DGKB: variants seen among roughly 807,000 people sequenced by gnomAD.
The protein encoded by DGKB is diacylglycerol kinase beta, also known as 90 kDa diacylglycerol kinase.
In DGKB, 67 loss-of-function variants were observed where a neutral mutation model predicts 114.3. The ratio of observed to expected loss-of-function variants is 0.59; its 90% CI spans 0.48 to 0.72. The LOEUF (loss-of-function observed/expected upper bound fraction) is 0.72, where lower values mean the gene tolerates loss of function less well. Among genes scored for constraint, DGKB ranks in the 30% least tolerant of loss-of-function variants. The pLI is 0.00. For missense variants in DGKB, 907 were observed against 975.2 expected, an observed-to-expected ratio of 0.93 and a Z score of 0.93; for synonymous variants, 398 against 323.1, an observed-to-expected ratio of 1.23 and a Z score of -2.49.
chr7:14,512,249 C>T (rs1335615307), intron 20 of DGKB, among the ~76,000 whole-genome samples: 1 of 152,136 alleles, frequency 6.6e-6, no homozygotes, highest in Admixed American at 6.5e-5. Flanking sequence ...GTTTGCAAAA[C>T]ATGAAACACA....
intron 2 of DGKB, among the ~76,000 whole-genome samples, chr7:14,789,817 T>G (rs1354712555): frequency 6.6e-6 from 1 of 152,150 alleles, no homozygotes; most frequent in African/African-American, 2.4e-5. Context: ...GGAATGCATT[T>G]GCTGAGTTAT....
At chr7:14,269,796 G>A (rs187209076) in intron 23 of DGKB, among the ~76,000 whole-genome samples, 1 of 152,032 alleles carries the variant, frequency 6.6e-6, no homozygotes, top group East Asian at 1.9e-4. Flanking sequence ...CACTCCTGAG[G>A]AATATTGTAA....
chr7:14,631,935 ACT>A (rs1294442272), intron 13 of DGKB, among the ~76,000 whole-genome samples: 1 of 151,826 alleles, frequency 6.6e-6, no homozygotes, highest in Non-Finnish European at 1.5e-5. Flanking sequence ...ACTCTCAGAG[ACT>A]CTCAAGCAAC....
chr7:14,226,648 A>G (rs1790847432), intron 23 of DGKB, among the ~76,000 whole-genome samples: 1 of 152,058 alleles, frequency 6.6e-6, no homozygotes, highest in Non-Finnish European at 1.5e-5. Flanking sequence ...CTTATGATTC[A>G]TACACATATC....
chr7:14,920,744 C>G (rs1218174731), intron 1 of DGKB, among the ~76,000 whole-genome samples: 1 of 151,982 alleles, frequency 6.6e-6, no homozygotes, highest in African/African-American at 2.4e-5. Context: ...TGAAAGCAAC[C>G]AAGATGTTTT....
intron 2 of DGKB, among the ~76,000 whole-genome samples, chr7:14,772,876 C>G (rs1242663661): frequency 6.6e-6 from 1 of 152,084 alleles, no homozygotes. Flanking sequence ...CTCACCAGTT[C>G]CCTCCTGCTC....
intron 25 of DGKB, among the ~76,000 whole-genome samples, chr7:14,152,736 A>T (rs941475747): frequency 5.3e-5 from 8 of 152,150 alleles, no homozygotes; most frequent in Non-Finnish European, 1.2e-4. Context: ...AGAATCAAAG[A>T]TTACAAAGCA....
At chr7:14,730,716 T>A (rs12154918) in intron 5 of DGKB, among the ~76,000 whole-genome samples, 98,213 of 151,966 alleles carry the variant, frequency 0.65, 35,340 homozygotes, top group Non-Finnish European at 0.81. Flanking sequence ...TCATAAAGGT[T>A]ACTTCAGGTG....
intron 23 of DGKB, among the ~76,000 whole-genome samples, chr7:14,286,418 T>C (rs1357569541): frequency 6.6e-6 from 1 of 152,154 alleles, no homozygotes; most frequent in Non-Finnish European, 1.5e-5. Flanking sequence ...ATGTATTACT[T>C]GGGTACTAAA....
At chr7:14,813,536 T>C (rs1383075004) in intron 2 of DGKB, among the ~76,000 whole-genome samples, 1 of 152,188 alleles carries the variant, frequency 6.6e-6, no homozygotes, top group Non-Finnish European at 1.5e-5. Context: ...TCCTCTTTCT[T>C]ATCTAACCTT....
intron 4 of DGKB, among the ~76,000 whole-genome samples, chr7:14,738,541 T>C (rs894335285): frequency 2.0e-5 from 3 of 152,216 alleles, no homozygotes; most frequent in Non-Finnish European, 2.9e-5. Context: ...AGGAGGAACA[T>C]ATTATTTACT....
rs1456258738 is a variant in DGKB at position 14,857,264 on chromosome 7, G to GTGTGTGTGTGTGTGTGTC, written c.-187-15815_-187-15814insGACACACACACACACACA. 3.3e-5 allele frequency among the ~76,000 whole-genome samples: 5 copies of GTGTGTGTGTGTGTGTGTC among 151,424 alleles called. No homozygotes were observed. The East Asian group carries it at 5.9e-4, about 18-fold the overall frequency. ...AACCCCCTGCTGTGTGTGTTTGTGT[G>GTGTGTGTGTGTGTGTGTC]TGTGTGTGTGTGTGTTGCTGGCACT... On this transcript the variant is annotated intron_variant, in intron 1 of 25. Coordinates refer to ENST00000402815, the MANE Select transcript of DGKB (RefSeq NM_001350709.2).
chr7:14,716,206 A>T (rs1828152437), intron 6 of DGKB, among the ~76,000 whole-genome samples: 1 of 152,164 alleles, frequency 6.6e-6, no homozygotes, highest in Non-Finnish European at 1.5e-5. Context: ...TGCATAAGCC[A>T]GTGCTTCTCA....
At chr7:14,937,241 TG>T (rs1030337675) in intron 1 of DGKB, among the ~76,000 whole-genome samples, 5 of 152,086 alleles carry the variant, frequency 3.3e-5, no homozygotes, top group South Asian at 2.1e-4. Context: ...AAATATAGGT[TG>T]GTTTTTTTAA....
intron 21 of DGKB, among the ~76,000 whole-genome samples, chr7:14,404,073 C>A (rs1176433913): frequency 6.6e-6 from 1 of 151,574 alleles, no homozygotes; most frequent in South Asian, 2.1e-4. Context: ...AAGTGGGTCA[C>A]TTTCAGGCCA....
chr7:14,803,622 A>G (rs1206393795), intron 2 of DGKB, among the ~76,000 whole-genome samples: 1 of 151,966 alleles, frequency 6.6e-6, no homozygotes, highest in Non-Finnish European at 1.5e-5. Context: ...GTATGTTTGA[A>G]TTTATTATGA....
intron 20 of DGKB, among the ~76,000 whole-genome samples, chr7:14,571,862 T>A (rs1351650696): frequency 6.6e-6 from 1 of 152,050 alleles, no homozygotes; most frequent in South Asian, 2.1e-4. Flanking sequence ...AGGAAAGCAG[T>A]ATACACCATA....
intron 17 of DGKB, among the ~76,000 whole-genome samples, chr7:14,605,778 A>G (rs993407115): frequency 6.6e-6 from 1 of 152,082 alleles, no homozygotes; most frequent in Non-Finnish European, 1.5e-5. Context: ...GTTTTTATTA[A>G]TTATTAATTC....
intron 13 of DGKB, among the ~76,000 whole-genome samples, chr7:14,664,858 T>C (rs1483520682): frequency 6.6e-6 from 1 of 151,570 alleles, no homozygotes; most frequent in African/African-American, 2.4e-5. Flanking sequence ...TTAGCTCCAT[T>C]GTCTTTAGTA....
Sources: allele counts gnomAD v4.1 joint callset (sites outside exome capture counted in the v4.1 genomes callset), GRCh38; gene constraint gnomAD v4.1.1; transcripts MANE v1.5; gene names NCBI Gene and HGNC (gene_info 2026-07-23, HGNC 2026-07-21).